Variants in PITPNB observed in about 807,000 individuals in gnomAD.
The protein encoded by PITPNB is phosphatidylinositol transfer protein beta, also known as phosphatidylinositol transfer protein beta isoform.
PITPNB carries 16 observed loss-of-function variants against 45.9 expected under a neutral mutation model. The ratio of observed to expected loss-of-function variants is 0.35; its 90% CI spans 0.24 to 0.53. The LOEUF is 0.53. Among genes scored for constraint, PITPNB ranks in the 20% least tolerant of loss-of-function variants. The pLI is 0.93. For missense variants in PITPNB, 188 were observed against 330.5 expected, an observed-to-expected ratio of 0.57 and a Z score of 3.34; for synonymous variants, 112 against 108.9, an observed-to-expected ratio of 1.03 and a Z score of -0.18.
In PITPNB at chr22:27,882,367, T is replaced by C. The variant is rs568460429; in HGVS notation, c.457-8552A>G. 3.3e-5 allele frequency among the ~76,000 whole-genome samples: 5 copies of C among 152,322 alleles called. No homozygotes were observed. The East Asian group carries it at 5.8e-4, about 18-fold the overall frequency. ...ACTAAATGTATGGAAAAGCAAATCA[T>C]TTATGTTCATTCCCAAAGGCAACTG... is the stretch of plus-strand genomic sequence containing the variant. On this transcript the variant is annotated intron_variant, in intron 7 of 11. Coordinates refer to ENST00000335272, the MANE Select transcript of PITPNB (RefSeq NM_012399.5).
At chr22:27,876,720 C>T (rs1339366601) in intron 7 of PITPNB, among the ~76,000 whole-genome samples, 1 of 151,538 alleles carries the variant, frequency 6.6e-6, no homozygotes, top group Non-Finnish European at 1.5e-5. Flanking sequence ...AATTTATATC[C>T]GTATCACAAT....
intron 8 of PITPNB, among the ~76,000 whole-genome samples, chr22:27,872,585 C>A (rs1163550374): frequency 1.3e-5 from 2 of 152,170 alleles, no homozygotes; most frequent in African/African-American, 4.8e-5. Flanking sequence ...AGTTGATGCA[C>A]AAGACAGTCC....
chr22:27,892,618 C>T (rs947491523), intron 7 of PITPNB, among the ~76,000 whole-genome samples: 3 of 152,152 alleles, frequency 2.0e-5, no homozygotes, highest in African/African-American at 7.2e-5. Context: ...TCATTACTCC[C>T]AATTACTTCT....
In PITPNB at chr22:27,904,354, A is replaced by C. The variant is rs981063030; in HGVS notation, c.198-6462T>G. On this transcript the variant is annotated intron_variant, in intron 3 of 11. Coordinates refer to ENST00000335272, the MANE Select transcript of PITPNB (RefSeq NM_012399.5). ...CACAGACAAGCCTTGAAAACACGCT[A>C]AGTGAAAGAAGTCAATCACGGAAGG... is the stretch of plus-strand genomic sequence containing the variant. Among the ~76,000 whole-genome samples the C allele has an allele frequency of 2.6e-5, 4 of 152,350 alleles. No homozygotes were observed. The East Asian group carries it at 5.8e-4, about 22-fold the overall frequency.
At chr22:27,915,903 GGTAA>G (rs991205591) in intron 1 of PITPNB, among the ~76,000 whole-genome samples, 2 of 152,100 alleles carry the variant, frequency 1.3e-5, no homozygotes, top group African/African-American at 4.8e-5. Context: ...TGGTCCAAGA[GGTAA>G]GTGACAACTA....
At chr22:27,876,891 GATGAAGAGAAGCCCTTGGCTC>G (rs1934835734) in intron 7 of PITPNB, among the ~76,000 whole-genome samples, 1 of 152,214 alleles carries the variant, frequency 6.6e-6, no homozygotes, top group Non-Finnish European at 1.5e-5. Context: ...GGGAGGCTCT[GATGAAGAGAAGCCCTTGGCTC>G]ATGGTTTATT....
At chr22:27,886,170 G>A (rs11090518) in intron 7 of PITPNB, among the ~76,000 whole-genome samples, 1 of 152,140 alleles carries the variant, frequency 6.6e-6, no homozygotes, top group Non-Finnish European at 1.5e-5. Flanking sequence ...CTTGAAACAG[G>A]AAATCCGTTT....
chr22:27,860,381 T>A (rs965599683), intron 8 of PITPNB, 140 bp from the exon 9 acceptor site: 1 of 572,576 alleles, frequency 1.7e-6, no homozygotes, highest in African/African-American at 1.9e-5. Context: ...ATTTGAAAAT[T>A]TGAAATCATT....
chr22:27,896,447 G>A (rs1036499387), intron 6 of PITPNB, 105 bp downstream of exon 6: 3 of 783,932 alleles, frequency 3.8e-6, no homozygotes, highest in African/African-American at 3.5e-5. Flanking sequence ...AGCTTGGTGC[G>A]GTCAGATACA....
chr22:27,913,870 C>T (rs1467203143), intron 2 of PITPNB, among the ~76,000 whole-genome samples: 1 of 152,172 alleles, frequency 6.6e-6, no homozygotes, highest in Non-Finnish European at 1.5e-5. Context: ...ACAGAACAGG[C>T]TTATTTCCCA....
intron 7 of PITPNB, among the ~76,000 whole-genome samples, chr22:27,878,375 T>C (rs1934878456): frequency 6.6e-6 from 1 of 152,090 alleles, no homozygotes. Flanking sequence ...AGTAAGCCCA[T>C]TAAAAAAAAG....
intron 1 of PITPNB, among the ~76,000 whole-genome samples, chr22:27,918,400 G>A (rs892467564): frequency 1.3e-5 from 2 of 152,196 alleles, no homozygotes; most frequent in Non-Finnish European, 1.5e-5. Flanking sequence ...AACATTCAGA[G>A]GCAAGCAGAT....
intron 7 of PITPNB, among the ~76,000 whole-genome samples, chr22:27,882,780 T>G (rs1935009694): frequency 6.6e-6 from 1 of 152,182 alleles, no homozygotes; most frequent in African/African-American, 2.4e-5. Context: ...GAAGGAGCAC[T>G]CACATACTAC....
In PITPNB at chr22:27,851,742, C is replaced by T. The variant is rs1934025399; in HGVS notation, c.*1960G>A. 1 of 152,186 alleles carries T rather than the reference C, an allele frequency of 6.6e-6. No individual in the cohort carries two copies. Among genetic ancestry groups the T allele is most frequent in the Non-Finnish European group, 1.5e-5 (1 of 68,036 alleles). The allele number at this position is 152,186 out of a possible 1,614,324, so 9.4% of individuals were successfully genotyped here. On this transcript the variant is annotated 3_prime_UTR_variant, in exon 12 of 12. Transcript: ENST00000335272. ...GTTTTACTGTAATTTACACAAGAGACTGGCAAGTAAACTAGGTATTTTACA... is the reference window on the plus strand; with the variant it reads ...GTTTTACTGTAATTTACACAAGAGATTGGCAAGTAAACTAGGTATTTTACA...
Position 27,872,096 on chromosome 22 carries a change from T to G in PITPNB, c.534+1642A>C, listed in dbSNP as rs1003307461. On this transcript the variant is annotated intron_variant, in intron 8 of 11. Coordinates refer to ENST00000335272, the MANE Select transcript of PITPNB (RefSeq NM_012399.5). ...ATTAAGCCTGGTTTTTTTTTTTTTT[T>G]TTTTTTTTTTTTTTTGGGACGGAGT... is the stretch of plus-strand genomic sequence containing the variant. Among the ~76,000 whole-genome samples, 433 of 139,244 alleles carry G rather than the reference T, an allele frequency of 3.1e-3. 1 individual carries two copies. Among genetic ancestry groups the G allele is most frequent in the African/African-American group, 9.7e-3 (360 of 37,300 alleles). The allele number at this position is 139,244 out of a possible 152,430, so 91.3% of individuals were successfully genotyped here.
At chr22:27,889,724 G>T (rs1447965025) in intron 7 of PITPNB, among the ~76,000 whole-genome samples, 2 of 152,190 alleles carry the variant, frequency 1.3e-5, no homozygotes, top group Non-Finnish European at 2.9e-5. Flanking sequence ...TCTTGTAGGT[G>T]CTATACAAAT....
chr22:27,916,546 T>G (rs1217854845), intron 1 of PITPNB, among the ~76,000 whole-genome samples: 2 of 152,214 alleles, frequency 1.3e-5, no homozygotes, highest in African/African-American at 4.8e-5. Context: ...GTGCGGTGAC[T>G]CACACCTGTA....
intron 3 of PITPNB, among the ~76,000 whole-genome samples, chr22:27,903,602 C>A (rs1306901685): frequency 6.6e-6 from 1 of 150,860 alleles, no homozygotes; most frequent in Non-Finnish European, 1.5e-5. Context: ...TACAGGGAGA[C>A]CCCCCACCTC....
chr22:27,882,089 C>G (rs1436862604), intron 7 of PITPNB, among the ~76,000 whole-genome samples: 1 of 152,108 alleles, frequency 6.6e-6, no homozygotes, highest in Non-Finnish European at 1.5e-5. Flanking sequence ...AAAGATACAC[C>G]AAATCCTTCT....
Sources: allele counts gnomAD v4.1 joint callset (sites outside exome capture counted in the v4.1 genomes callset), GRCh38; gene constraint gnomAD v4.1.1; transcripts MANE v1.5; gene names NCBI Gene and HGNC (gene_info 2026-07-23, HGNC 2026-07-21).